SOX5: variants seen among roughly 807,000 people sequenced by gnomAD.
SOX5 encodes SRY-box transcription factor 5.
Under a neutral mutation model 92.0 loss-of-function variants are expected in SOX5, and 9 were observed. That is an observed-to-expected ratio of 0.10 (90% CI 0.06 to 0.17). SOX5 has a LOEUF of 0.17. SOX5 is among the 10% of genes least tolerant of loss of function. SOX5 has a pLI of 1.00. For synonymous variants in SOX5, 344 were observed against 336.3 expected, an observed-to-expected ratio of 1.02 and a Z score of -0.25; for missense variants, 642 against 944.5, an observed-to-expected ratio of 0.68 and a Z score of 4.20.
intron 4 of SOX5, among the ~76,000 whole-genome samples, chr12:24,103,095 A>G (rs777223172): frequency 8.5e-5 from 13 of 152,230 alleles, no homozygotes; most frequent in African/African-American, 1.9e-4. Context: ...TTGAGAATCC[A>G]TAATAGATAC....
At chr12:24,133,620 G>T (rs1047712341) in intron 4 of SOX5, among the ~76,000 whole-genome samples, 3 of 152,070 alleles carry the variant, frequency 2.0e-5, no homozygotes, top group Non-Finnish European at 4.4e-5. Context: ...GCCAAACAAT[G>T]CAAGAGAGGT....
chr12:24,455,075 T>C (rs931401076), intron 1 of SOX5, among the ~76,000 whole-genome samples: 1 of 152,214 alleles, frequency 6.6e-6, no homozygotes, highest in Non-Finnish European at 1.5e-5. Flanking sequence ...TGAGCTTCCT[T>C]AGATAGTGGA....
intron 3 of SOX5, among the ~76,000 whole-genome samples, chr12:23,789,755 T>TACTTTTAC (rs2095438994): frequency 6.6e-6 from 1 of 152,130 alleles, no homozygotes; most frequent in Admixed American, 6.5e-5. Context: ...AACACAAAAT[T>TACTTTTAC]ACTTTTACTG....
chr12:23,981,497 G>A (rs1038753041), intron 4 of SOX5, among the ~76,000 whole-genome samples: 4 of 152,116 alleles, frequency 2.6e-5, no homozygotes, highest in Non-Finnish European at 4.4e-5. Flanking sequence ...GAACTGCCAG[G>A]AATAATGAGC....
intron 4 of SOX5, among the ~76,000 whole-genome samples, chr12:23,975,454 G>A (rs1250077025): frequency 6.6e-6 from 1 of 152,028 alleles, no homozygotes; most frequent in African/African-American, 2.4e-5. Context: ...AGTCATTTAT[G>A]TTGGTTGTTC....
chr12:24,234,423 C>A (rs968984558), intron 3 of SOX5, among the ~76,000 whole-genome samples: 1 of 152,010 alleles, frequency 6.6e-6, no homozygotes, highest in Admixed American at 6.5e-5. Flanking sequence ...TGTCACCAAG[C>A]CTGGAGTGCA....
chr12:24,274,926 T>C (rs1944258378), intron 3 of SOX5, among the ~76,000 whole-genome samples: 1 of 152,210 alleles, frequency 6.6e-6, no homozygotes, highest in African/African-American at 2.4e-5. Flanking sequence ...CACTGAACTG[T>C]AGCACGGTAC....
intron 3 of SOX5, among the ~76,000 whole-genome samples, chr12:24,257,388 G>C (rs1441929761): frequency 6.6e-6 from 1 of 152,128 alleles, no homozygotes; most frequent in Non-Finnish European, 1.5e-5. Context: ...GCACAAAATT[G>C]TTCCAGGTGA....
chr12:24,500,867 A>G (rs1948126007), intron 1 of SOX5, among the ~76,000 whole-genome samples: 1 of 152,218 alleles, frequency 6.6e-6, no homozygotes, highest in Admixed American at 6.5e-5. Flanking sequence ...AGCTATAAAC[A>G]TGCCAAGAAA....
chr12:23,574,291 C>G (rs77859196), intron 10 of SOX5, among the ~76,000 whole-genome samples: 198 of 152,168 alleles, frequency 1.3e-3, no homozygotes, highest in African/African-American at 4.6e-3. Context: ...CATCTTTTAC[C>G]GATGAGGCTC....
At chr12:24,014,353 G>A (rs1330908716) in intron 4 of SOX5, among the ~76,000 whole-genome samples, 1 of 152,166 alleles carries the variant, frequency 6.6e-6, no homozygotes, top group East Asian at 1.9e-4. Context: ...AAAGCATTAT[G>A]CTCATCAGAG....
At chr12:23,978,014 A>G (rs1434833826) in intron 4 of SOX5, among the ~76,000 whole-genome samples, 1 of 152,250 alleles carries the variant, frequency 6.6e-6, no homozygotes, top group Non-Finnish European at 1.5e-5. Context: ...GACAGCTTGC[A>G]CACTGTATGT....
chr12:23,859,340 C>T lies in SOX5; in HGVS notation c.271-13147G>A, dbSNP rs140734169. Among the ~76,000 whole-genome samples the T allele has an allele frequency of 5.5e-3, 835 of 152,210 alleles. 4 individuals carry two copies. The highest frequency in any genetic ancestry group is 8.6e-3 in the Non-Finnish European group (588 of 68,030). On this transcript the variant is annotated intron_variant, in intron 2 of 14. Coordinates refer to ENST00000451604, the MANE Select transcript of SOX5 (RefSeq NM_006940.6). ...GCATTTCCAGGGGTAGGCCTACAGA[C>T]GACCGCTCTGGGAATGTTTGTCTTA...
chr12:24,078,841 T>C (rs912849297), intron 4 of SOX5, among the ~76,000 whole-genome samples: 6 of 152,084 alleles, frequency 3.9e-5, no homozygotes, highest in Non-Finnish European at 7.4e-5. Context: ...TACAGAGCAC[T>C]TTTTAAGGCA....
chr12:24,093,691 C>CTTT (rs199818216), intron 4 of SOX5, among the ~76,000 whole-genome samples: 1 of 140,174 alleles, frequency 7.1e-6, no homozygotes, highest in Non-Finnish European at 1.5e-5. Context: ...TTTGGTTGTC[C>CTTT]TTTTTTTTTT....
chr12:24,242,794 C>T lies in SOX5; in HGVS notation c.-76-29377G>A, dbSNP rs527812134. On this transcript the variant is annotated intron_variant, in intron 3 of 4. Coordinates refer to the SOX5 transcript ENST00000446891. ...TGTAAACTTGTACACTTTCTGAGGGCAATTTGGCAAAATGGGTGAATATTT... is the reference window on the plus strand; with the variant it reads ...TGTAAACTTGTACACTTTCTGAGGGTAATTTGGCAAAATGGGTGAATATTT... Among the ~76,000 whole-genome samples, 9 of 152,142 alleles carry T rather than the reference C, an allele frequency of 5.9e-5. No individual in the cohort carries two copies. The South Asian group carries it at 1.9e-3, about 32-fold the overall frequency.
intron 1 of SOX5, among the ~76,000 whole-genome samples, chr12:24,399,225 G>T (rs984967392): frequency 6.6e-6 from 1 of 151,874 alleles, no homozygotes; most frequent in African/African-American, 2.4e-5. Context: ...GTGAGCATCT[G>T]AGCACACTGC....
Position 23,604,534 on chromosome 12 carries a change from C to T in SOX5, c.1018-1G>A, listed in dbSNP as rs201883079. 8.9e-5 allele frequency: 143 copies of T among 1,612,128 alleles called. No homozygotes were observed. The highest frequency in any genetic ancestry group is 1.1e-4 in the Non-Finnish European group (124 of 1,179,164). On this transcript the variant is annotated splice_acceptor_variant, in intron 8 of 14. Transcript: ENST00000451604. LOFTEE classifies it high-confidence loss of function. ...CAGCTAGCTGGGCAGCATATAACTG[C>T]TACAGAAGAAAAAGAGAGAGAGGGA... is the stretch of plus-strand genomic sequence containing the variant.
At chr12:23,777,306 C>T (rs1212182341) in intron 3 of SOX5, among the ~76,000 whole-genome samples, 1 of 152,090 alleles carries the variant, frequency 6.6e-6, no homozygotes, top group African/African-American at 2.4e-5. Context: ...CCCATGTATG[C>T]TATACATCAA....
Sources: allele counts gnomAD v4.1 joint callset (sites outside exome capture counted in the v4.1 genomes callset), GRCh38; gene constraint gnomAD v4.1.1; transcripts MANE v1.5; gene names NCBI Gene and HGNC (gene_info 2026-07-23, HGNC 2026-07-21).